The following CDH18 variants were observed in gnomAD, a reference collection of about 807,000 sequenced individuals.
CDH18 encodes the protein cadherin 18, also known as cadherin-18.
CDH18 carries 31 observed loss-of-function variants against 67.9 expected under a neutral mutation model. The ratio of observed to expected loss-of-function variants is 0.46; its 90% CI spans 0.34 to 0.62. The LOEUF (loss-of-function observed/expected upper bound fraction) is 0.62, where lower values mean the gene tolerates loss of function less well. CDH18 is among the 20% of genes least tolerant of loss of function. CDH18 has a pLI of 0.01. For synonymous variants in CDH18, 362 were observed against 347.2 expected, an observed-to-expected ratio of 1.04 and a Z score of -0.48; for missense variants, 890 against 975.5, an observed-to-expected ratio of 0.91 and a Z score of 1.17.
intron 2 of CDH18, among the ~76,000 whole-genome samples, chr5:20,027,827 C>T (rs1739048609): frequency 6.6e-6 from 1 of 152,156 alleles, no homozygotes; most frequent in African/African-American, 2.4e-5. Context: ...GATAGGGTTG[C>T]TAAGCATCAA....
At chr5:19,797,675 G>A (rs1425585219) in intron 3 of CDH18, among the ~76,000 whole-genome samples, 8 of 151,836 alleles carry the variant, frequency 5.3e-5, no homozygotes, top group African/African-American at 1.9e-4. Context: ...ACTAATGAAA[G>A]AAATCAAAGA....
intron 1 of CDH18, among the ~76,000 whole-genome samples, chr5:20,513,162 C>T (rs1001215077): frequency 1.3e-5 from 2 of 152,124 alleles, no homozygotes; most frequent in Admixed American, 1.3e-4. Flanking sequence ...AACTAGTCTT[C>T]CTTTTTCAGT....
chr5:20,178,762 T>C (rs1483148754), intron 2 of CDH18, among the ~76,000 whole-genome samples: 10 of 152,096 alleles, frequency 6.6e-5, no homozygotes, highest in Admixed American at 4.6e-4. Flanking sequence ...ATTTGAGTCA[T>C]ACAAAATAAC....
At chr5:19,961,150 T>G (rs997166441) in intron 2 of CDH18, among the ~76,000 whole-genome samples, 6 of 148,794 alleles carry the variant, frequency 4.0e-5, no homozygotes, top group African/African-American at 1.5e-4. Flanking sequence ...TCGCCCAGGC[T>G]GGAGTGCAGT....
chr5:19,958,695 C>T (rs13175060), intron 2 of CDH18, among the ~76,000 whole-genome samples: 64,886 of 151,928 alleles, frequency 0.43, 16,173 homozygotes, highest in Middle Eastern at 0.66. Flanking sequence ...GTAACTGACA[C>T]TCATCCTTTC....
At chr5:19,579,779 T>C (rs189535812) in intron 7 of CDH18, among the ~76,000 whole-genome samples, 1 of 152,010 alleles carries the variant, frequency 6.6e-6, no homozygotes, top group East Asian at 1.9e-4. Context: ...TACATTCTGA[T>C]AAACTACTCT....
intron 2 of CDH18, among the ~76,000 whole-genome samples, chr5:19,922,917 CG>C (rs1165498620): frequency 6.6e-6 from 1 of 152,066 alleles, no homozygotes; most frequent in Non-Finnish European, 1.5e-5. Flanking sequence ...ATTATATATT[CG>C]TTTAATATCT....
chr5:19,578,091 A>G (rs1223079390), intron 7 of CDH18, among the ~76,000 whole-genome samples: 2 of 151,400 alleles, frequency 1.3e-5, no homozygotes, highest in African/African-American at 4.9e-5. Flanking sequence ...AGTCCCACCA[A>G]CTCCTGATTC....
intron 7 of CDH18, among the ~76,000 whole-genome samples, chr5:19,579,957 C>T (rs1742970471): frequency 6.6e-6 from 1 of 151,578 alleles, no homozygotes; most frequent in African/African-American, 2.4e-5. Context: ...TACATTGATC[C>T]CAATTAAAGG....
At chr5:19,506,284 C>T (rs1744144929) in intron 10 of CDH18, among the ~76,000 whole-genome samples, 1 of 152,120 alleles carries the variant, frequency 6.6e-6, no homozygotes, top group Non-Finnish European at 1.5e-5. Context: ...GAAGAACATT[C>T]CATGCTCATG....
At chr5:19,725,730 C>T (rs1766756787) in intron 4 of CDH18, among the ~76,000 whole-genome samples, 1 of 152,188 alleles carries the variant, frequency 6.6e-6, no homozygotes, top group East Asian at 1.9e-4. Context: ...GATCACACCA[C>T]TGAACTCCGA....
chr5:19,620,498 A>G (rs926174549), intron 5 of CDH18, among the ~76,000 whole-genome samples: 28 of 152,080 alleles, frequency 1.8e-4, no homozygotes, highest in African/African-American at 6.8e-4. Context: ...TATAGGACAG[A>G]GTTGGTGTAT....
At chr5:19,650,811 G>A (rs780634513) in intron 5 of CDH18, among the ~76,000 whole-genome samples, 3 of 151,950 alleles carry the variant, frequency 2.0e-5, no homozygotes, top group Non-Finnish European at 4.4e-5. Context: ...AATAATGACA[G>A]AATTAGCTCT....
intron 3 of CDH18, among the ~76,000 whole-genome samples, chr5:19,787,449 C>CA (rs755878928): frequency 0.031 from 4,258 of 135,892 alleles, 56 homozygotes; most frequent in African/African-American, 0.056. Flanking sequence ...GAGACTGTTT[C>CA]AAAAAAAAAA....
chr5:19,573,041 G>A (rs1716030581), intron 7 of CDH18, among the ~76,000 whole-genome samples: 1 of 152,118 alleles, frequency 6.6e-6, no homozygotes, highest in African/African-American at 2.4e-5. Context: ...GGACATTGAT[G>A]AGGATAAGCC....
At chr5:19,694,313 A>C (rs1762268664) in intron 5 of CDH18, among the ~76,000 whole-genome samples, 1 of 152,134 alleles carries the variant, frequency 6.6e-6, no homozygotes. Flanking sequence ...GAGCCAATCT[A>C]TAGGGTTCAA....
chr5:19,814,851 C>T (rs979856936), intron 3 of CDH18, among the ~76,000 whole-genome samples: 132 of 114,208 alleles, frequency 1.2e-3, no homozygotes, highest in East Asian at 2.5e-3. Context: ...AATTGTTACA[C>T]ACACACACAC....
intron 2 of CDH18, among the ~76,000 whole-genome samples, chr5:19,959,937 A>G (rs1188944005): frequency 2.6e-5 from 4 of 152,124 alleles, no homozygotes; most frequent in Admixed American, 2.6e-4. Context: ...ACATTTTTAA[A>G]GGTACAGTAA....
intron 2 of CDH18, among the ~76,000 whole-genome samples, chr5:20,024,369 G>A (rs1310966380): frequency 6.6e-6 from 1 of 152,160 alleles, no homozygotes; most frequent in Non-Finnish European, 1.5e-5. Context: ...TAGACAAAGT[G>A]ATCTGGGATG....
Sources: gnomAD v4.1 joint callset for allele counts (sites outside exome capture counted in the v4.1 genomes callset) on GRCh38, gnomAD v4.1.1 for gene constraint, MANE v1.5 for transcripts, NCBI Gene and HGNC (gene_info 2026-07-23, HGNC 2026-07-21) for gene names.